AIG1: variants seen among roughly 807,000 people sequenced by gnomAD.
AIG1 encodes androgen induced 1, also known as androgen-induced gene 1 protein.
AIG1 carries 23 observed loss-of-function variants against 31.4 expected under a neutral mutation model. That is an observed-to-expected ratio of 0.73 (90% confidence interval 0.53 to 1.04). AIG1 has a LOEUF of 1.04. AIG1 is among the 50% of genes least tolerant of loss of function. AIG1 has a pLI of 0.00. For missense variants in AIG1, 274 were observed against 295.0 expected, an observed-to-expected ratio of 0.93 and a Z score of 0.52; for synonymous variants, 100 against 110.5, an observed-to-expected ratio of 0.90 and a Z score of 0.60.
At chr6:143,197,649 A>G (rs1196854252) in intron 3 of AIG1, among the ~76,000 whole-genome samples, 2 of 152,240 alleles carry the variant, frequency 1.3e-5, no homozygotes, top group Non-Finnish European at 1.5e-5. Context: ...GATCTGTCCC[A>G]TAAACACCTC....
At chr6:143,143,526 A>ATTATAT (rs1323492904) in intron 2 of AIG1, among the ~76,000 whole-genome samples, 1 of 53,126 alleles carries the variant, frequency 1.9e-5, no homozygotes, top group Non-Finnish European at 3.6e-5. Context: ...AAAAAAAAAA[A>ATTATAT]AAATATATAT....
At chr6:143,222,416 AT>A in intron 3 of AIG1, among the ~76,000 whole-genome samples, 1 of 151,658 alleles carries the variant, frequency 6.6e-6, no homozygotes, top group East Asian at 1.9e-4. Context: ...TTGTTGTTTT[AT>A]GTCAATTCGT....
rs1777838987 is a variant in AIG1, at chr6:143,341,041, T to C, written c.*1365T>C. 6.6e-6 allele frequency among the ~76,000 whole-genome samples: 1 copy of C among 152,186 alleles called. No homozygotes were observed. ...TTAGTTACATTTAAATGTAATTAAATGCTAAAAATCTCTCTTCCTTCCGTC... is the reference window on the plus strand; with the variant it reads ...TTAGTTACATTTAAATGTAATTAAACGCTAAAAATCTCTCTTCCTTCCGTC... On this transcript the variant is annotated 3_prime_UTR_variant, in exon 6 of 6. Transcript: ENST00000357847.
At chr6:143,187,644 A>C (rs758731301) in intron 3 of AIG1, 3 of 1,536,132 alleles carry the variant, frequency 2.0e-6, no homozygotes, top group Non-Finnish European at 2.6e-6. Flanking sequence ...CAAAGCTTAA[A>C]GTTTTCTTGG....
At chr6:143,227,663 G>C (rs1478398542) in intron 3 of AIG1, among the ~76,000 whole-genome samples, 1 of 152,060 alleles carries the variant, frequency 6.6e-6, no homozygotes, top group African/African-American at 2.4e-5. Flanking sequence ...AGCCCTGACT[G>C]ATATTTTAGG....
downstream of AIG1, among the ~76,000 whole-genome samples, chr6:143,342,014 C>T (rs1777866904): frequency 6.6e-6 from 1 of 152,204 alleles, no homozygotes; most frequent in Non-Finnish European, 1.5e-5. Context: ...CAATCTCCGC[C>T]TCCCTGGTTC....
intron 1 of AIG1, among the ~76,000 whole-genome samples, chr6:143,086,353 C>G (rs1234450588): frequency 2.0e-5 from 3 of 151,862 alleles, no homozygotes; most frequent in African/African-American, 7.3e-5. Flanking sequence ...ACTTCTATCT[C>G]TCTTTTTCTC....
intron 3 of AIG1, among the ~76,000 whole-genome samples, chr6:143,260,330 T>C (rs1795673418): frequency 2.0e-5 from 3 of 152,222 alleles, no homozygotes; most frequent in African/African-American, 2.4e-5. Context: ...GGTCTTCTGC[T>C]TCTTAAAGAC....
intron 3 of AIG1, among the ~76,000 whole-genome samples, chr6:143,277,466 G>A (rs1797022146): frequency 1.3e-5 from 2 of 152,166 alleles, no homozygotes; most frequent in South Asian, 2.1e-4. Context: ...AGATATGCAC[G>A]TTGCAAAGAT....
chr6:143,338,544 C>T lies in AIG1; in HGVS notation c.680-1095C>T, dbSNP rs1777676355. 1.3e-5 allele frequency: 2 copies of T among 152,226 alleles called. No individual in the cohort carries two copies. Among genetic ancestry groups the T allele is most frequent in the African/African-American group, 4.8e-5 (2 of 41,420 alleles). The allele number at this position is 152,226 out of a possible 1,614,324, so 9.4% of individuals were successfully genotyped here. The stretch of plus-strand genomic sequence containing the variant: ...TGGGGGAGTCCTTCCTATTGTAAGC[C>T]CTAACATTATGACCCTCTGGGGTTA... On this transcript the variant is annotated intron_variant, in intron 5 of 5. Coordinates refer to ENST00000357847, the MANE Select transcript of AIG1 (RefSeq NM_016108.4). This position sits in a 1 kb window ranked among gnomAD's most constrained non-coding sequence, Gnocchi z 4.3.
chr6:143,301,694 TG>T (rs997492129), intron 4 of AIG1, among the ~76,000 whole-genome samples: 10 of 152,112 alleles, frequency 6.6e-5, no homozygotes, highest in African/African-American at 2.4e-4. Context: ...AAGAACAGCA[TG>T]GGGGAAACTG....
chr6:143,164,245 G>T (rs543716332), intron 2 of AIG1, among the ~76,000 whole-genome samples: 1 of 152,054 alleles, frequency 6.6e-6, no homozygotes, highest in South Asian at 2.1e-4. Flanking sequence ...CCCTTTCTAG[G>T]CCACATTTTT....
chr6:143,191,936 T>C (rs1373943833), intron 3 of AIG1, among the ~76,000 whole-genome samples: 2 of 152,118 alleles, frequency 1.3e-5, no homozygotes, highest in East Asian at 3.9e-4. Context: ...GTTATATAAG[T>C]GGTAGTTCAT....
At chr6:143,205,538 A>T (rs1440674796) in intron 3 of AIG1, among the ~76,000 whole-genome samples, 1 of 152,160 alleles carries the variant, frequency 6.6e-6, no homozygotes. Flanking sequence ...TAAATGATGG[A>T]TCCATAAATA....
chr6:143,230,647 C>A (rs936220329), intron 3 of AIG1, among the ~76,000 whole-genome samples: 1 of 150,958 alleles, frequency 6.6e-6, no homozygotes, highest in African/African-American at 2.4e-5. Flanking sequence ...TATATTTTTG[C>A]ATTTTAATAA....
chr6:143,318,894 G>T (rs1184351897), intron 4 of AIG1, among the ~76,000 whole-genome samples: 4 of 152,004 alleles, frequency 2.6e-5, no homozygotes, highest in African/African-American at 9.7e-5. Flanking sequence ...CATCACTAAT[G>T]ATCAGGGAAA....
chr6:143,293,357 T>C lies in AIG1; in HGVS notation c.515+9132T>C, dbSNP rs943413946. 6.6e-6 allele frequency among the ~76,000 whole-genome samples: 1 copy of C among 152,204 alleles called. No individual in the cohort carries two copies. The highest frequency in any genetic ancestry group is 2.4e-5 in the African/African-American group (1 of 41,456). Reference sequence around the variant, plus strand: ...TTTTCTTATGGTTCATATATTAAGTTATTTCCGGAGCTCTGCTTTTCCCAT... The same window carrying C: ...TTTTCTTATGGTTCATATATTAAGTCATTTCCGGAGCTCTGCTTTTCCCAT... On this transcript the variant is annotated intron_variant, in intron 4 of 5. Coordinates refer to ENST00000357847, the MANE Select transcript of AIG1 (RefSeq NM_016108.4). This position sits in a 1 kb window ranked among gnomAD's most constrained non-coding sequence, Gnocchi z 4.8.
At position 143,081,724 on chromosome 6, in the gene AIG1, T is replaced by C. The variant is rs528501745; in HGVS notation, c.141+20658T>C. Among the ~76,000 whole-genome samples, 91 of 152,224 alleles carry C rather than the reference T, an allele frequency of 6.0e-4. 1 individual carries two copies. The highest frequency in any genetic ancestry group is 2.1e-3 in the African/African-American group (88 of 41,520). The stretch of plus-strand genomic sequence containing the variant: ...GGTGAAGGGTTTTAAGTAATTTCCA[T>C]TGGTTAGCTGCAGGCAAAAGTATTT... On this transcript the variant is annotated intron_variant, in intron 1 of 5. Coordinates refer to ENST00000357847, the MANE Select transcript of AIG1 (RefSeq NM_016108.4).
rs114525041 is a variant in AIG1, at chr6:143,091,947, G to C, written c.141+30881G>C. Among the ~76,000 whole-genome samples, 370 of 152,166 alleles carry C rather than the reference G, an allele frequency of 2.4e-3. 4 individuals carry two copies. The highest frequency in any genetic ancestry group is 8.7e-3 in the African/African-American group (360 of 41,504). On this transcript the variant is annotated intron_variant, in intron 1 of 5. Coordinates refer to ENST00000357847, the MANE Select transcript of AIG1 (RefSeq NM_016108.4). ...AGGTGAGAGGAAACACCATCTGTAA[G>C]CAACGTCTGGTGCTTTTTAGGTGTA... is the stretch of plus-strand genomic sequence containing the variant.
Sources: allele counts gnomAD v4.1 joint callset (sites outside exome capture counted in the v4.1 genomes callset), GRCh38; gene constraint gnomAD v4.1.1; non-coding constraint Gnocchi (gnomAD v3.1); transcripts MANE v1.5; gene names NCBI Gene and HGNC (gene_info 2026-07-23, HGNC 2026-07-21).